Variants in ASIC2 observed in about 807,000 individuals in gnomAD.
ASIC2 encodes acid-sensing ion channel 2.
In ASIC2, 25 loss-of-function variants were observed where a neutral mutation model predicts 57.3. The observed-to-expected ratio is 0.44, with a 90% CI of 0.32 to 0.61. The LOEUF is 0.61. Among genes scored for constraint, ASIC2 ranks in the 20% least tolerant of loss-of-function variants. The probability of loss-of-function intolerance (pLI) is 0.06; values close to 1 mark genes in which losing one functional copy is unlikely to be tolerated. For synonymous variants in ASIC2, 319 were observed against 307.5 expected (o/e 1.04, Z -0.39); for missense variants, 641 against 738.1 (o/e 0.87, Z 1.52).
rs568641134 is a variant in ASIC2, at chr17:33,387,978, G to A, written c.556-275911C>T. Reference sequence around the variant, plus strand: ...ACCTGTAATCCCAGCTACTCAGGAGGGAGAGGCAGGAGAATTGCTTGAACC... The same window carrying A: ...ACCTGTAATCCCAGCTACTCAGGAGAGAGAGGCAGGAGAATTGCTTGAACC... On this transcript the variant is annotated intron_variant, in intron 1 of 9. Coordinates refer to the ASIC2 transcript ENST00000359872. Among the ~76,000 whole-genome samples the A allele has an allele frequency of 1.2e-4, 18 of 152,202 alleles. No individual in the cohort carries two copies. In the South Asian group the frequency reaches 3.5e-3, roughly 30 times the overall value.
At chr17:33,956,097 G>A (rs1904726307) in intron 1 of ASIC2, among the ~76,000 whole-genome samples, 2 of 152,078 alleles carry the variant, frequency 1.3e-5, no homozygotes, top group Non-Finnish European at 2.9e-5. Context: ...CTGACACATA[G>A]TAGGGCTCAA....
At chr17:33,808,429 C>A (rs967946504) in intron 1 of ASIC2, among the ~76,000 whole-genome samples, 1 of 152,200 alleles carries the variant, frequency 6.6e-6, no homozygotes, top group Non-Finnish European at 1.5e-5. Context: ...ATCACTGTAG[C>A]TTCATAGTAA....
intron 1 of ASIC2, among the ~76,000 whole-genome samples, chr17:33,661,323 C>G (rs1907256495): frequency 6.6e-6 from 1 of 152,192 alleles, no homozygotes; most frequent in African/African-American, 2.4e-5. Context: ...GAAGGTAGTT[C>G]GTTTTGCATC....
intron 1 of ASIC2, among the ~76,000 whole-genome samples, chr17:33,502,477 C>A (rs1275692681): frequency 1.3e-5 from 2 of 152,202 alleles, no homozygotes; most frequent in African/African-American, 4.8e-5. Flanking sequence ...GTAGAGCTGG[C>A]CGCTAGCTTG....
intron 1 of ASIC2, among the ~76,000 whole-genome samples, chr17:33,227,008 C>CTTTTTTTTTACT (rs34211973): frequency 5.9e-5 from 9 of 151,964 alleles, no homozygotes; most frequent in African/African-American, 1.9e-4. Flanking sequence ...AGGTCAATAA[C>CTTTTTTTTTACT]TTTTTTTTCA....
intron 1 of ASIC2, among the ~76,000 whole-genome samples, chr17:33,195,387 G>A (rs1020041168): frequency 6.6e-6 from 1 of 152,160 alleles, no homozygotes; most frequent in Non-Finnish European, 1.5e-5. Flanking sequence ...ATAAAACAGG[G>A]ATAATCATAT....
chr17:33,628,301 T>G (rs541403462), intron 1 of ASIC2, among the ~76,000 whole-genome samples: 6 of 152,162 alleles, frequency 3.9e-5, no homozygotes, highest in African/African-American at 1.2e-4. Context: ...GTCTTTTTTT[T>G]TTTTTGTTGA....
At chr17:33,897,505 T>G (rs572076805) in intron 1 of ASIC2, among the ~76,000 whole-genome samples, 1 of 152,360 alleles carries the variant, frequency 6.6e-6, no homozygotes, top group African/African-American at 2.4e-5. Flanking sequence ...AAATGAAATA[T>G]ATCTTTATCC....
intron 1 of ASIC2, among the ~76,000 whole-genome samples, chr17:33,272,637 TCAC>T (rs1270695475): frequency 1.3e-5 from 2 of 152,156 alleles, no homozygotes; most frequent in Non-Finnish European, 2.9e-5. Context: ...GTGAGCATCA[TCAC>T]CATCACCAAC....
At position 34,046,126 on chromosome 17, in the gene ASIC2, T is replaced by C. The variant is rs534373613; in HGVS notation, c.555+109852A>G. ...CATCAAGCATGTGAATGAAACCATATTGAATTTTCAGCCCTAGTTGAGCTC... is the reference window on the plus strand; with the variant it reads ...CATCAAGCATGTGAATGAAACCATACTGAATTTTCAGCCCTAGTTGAGCTC... On this transcript the variant is annotated intron_variant, in intron 1 of 9. Coordinates refer to the ASIC2 transcript ENST00000359872. 2.6e-5 allele frequency among the ~76,000 whole-genome samples: 4 copies of C among 152,300 alleles called. No individual in the cohort carries two copies. In the South Asian group the frequency reaches 6.2e-4, roughly 24 times the overall value.
intron 3 of ASIC2, among the ~76,000 whole-genome samples, chr17:33,053,898 C>G (rs539304420): frequency 6.6e-6 from 1 of 152,292 alleles, no homozygotes; most frequent in Non-Finnish European, 1.5e-5. Flanking sequence ...TCTAGTGAAG[C>G]AAGCGTTTCT....
At chr17:33,333,875 CA>C (rs143388296) in intron 1 of ASIC2, among the ~76,000 whole-genome samples, 2 of 152,322 alleles carry the variant, frequency 1.3e-5, no homozygotes, top group Admixed American at 1.3e-4. Context: ...TCATTTCTGA[CA>C]ATTTGGAAAG....
At position 34,099,199 on chromosome 17, in the gene ASIC2, A is replaced by G. The variant is rs1401649963; in HGVS notation, c.555+56779T>C. Among the ~76,000 whole-genome samples, 20 of 128,854 alleles carry G rather than the reference A, an allele frequency of 1.6e-4. 1 individual carries two copies. The highest frequency in any genetic ancestry group is 1.4e-4 in the African/African-American group (4 of 27,784). The allele number at this position is 128,854 out of a possible 152,430, so 84.5% of individuals were successfully genotyped here. On this transcript the variant is annotated intron_variant, in intron 1 of 9. Transcript: ENST00000359872. ...AAGAAAGAAAGAAAGAAAGAAAGAA[A>G]GAAAGAAAGAAAGGAAAGAAAAGAA...
intron 1 of ASIC2, among the ~76,000 whole-genome samples, chr17:34,127,425 C>T (rs1246654543): frequency 6.6e-6 from 1 of 152,124 alleles, no homozygotes; most frequent in Admixed American, 6.6e-5. Flanking sequence ...GTTCTGAGTC[C>T]GTAAAACACC....
chr17:33,842,841 G>A (rs1306195839), intron 1 of ASIC2, among the ~76,000 whole-genome samples: 2 of 152,216 alleles, frequency 1.3e-5, no homozygotes, highest in Non-Finnish European at 1.5e-5. Flanking sequence ...GACACGTGAT[G>A]GGCTGTCTTG....
At chr17:33,335,479 G>T (rs144918046) in intron 1 of ASIC2, among the ~76,000 whole-genome samples, 8 of 152,314 alleles carry the variant, frequency 5.3e-5, no homozygotes, top group African/African-American at 1.9e-4. Flanking sequence ...CGCAGAGATT[G>T]TAAGTGTGGG....
At chr17:34,046,046 G>A (rs79774495) in intron 1 of ASIC2, among the ~76,000 whole-genome samples, 4,964 of 152,200 alleles carry the variant, frequency 0.033, 109 homozygotes, top group Middle Eastern at 0.068. Flanking sequence ...GACCAAATGG[G>A]GTGCCAGAGA....
chr17:33,946,736 T>C (rs550112973), intron 1 of ASIC2, among the ~76,000 whole-genome samples: 1 of 152,280 alleles, frequency 6.6e-6, no homozygotes, highest in East Asian at 1.9e-4. Flanking sequence ...AAACAGGCAG[T>C]TCCATGTGGG....
intron 1 of ASIC2, among the ~76,000 whole-genome samples, chr17:33,766,323 G>C (rs1404481599): frequency 6.6e-6 from 1 of 152,202 alleles, no homozygotes; most frequent in Non-Finnish European, 1.5e-5. Flanking sequence ...TTGGCTTCAA[G>C]CAGCTGCTGA....
Sources: gnomAD v4.1 joint callset for allele counts (sites outside exome capture counted in the v4.1 genomes callset) on GRCh38, gnomAD v4.1.1 for gene constraint, MANE v1.5 for transcripts, NCBI Gene and HGNC (gene_info 2026-07-23, HGNC 2026-07-21) for gene names.